TBC1D23: variants seen among roughly 807,000 people sequenced by gnomAD.
TBC1D23 encodes HCV non-structural protein 4A-transactivated protein 1.
A neutral mutation model predicts 91.4 loss-of-function variants in TBC1D23; 55 were observed. The observed-to-expected ratio is 0.60, with a 90% CI of 0.48 to 0.75. The LOEUF (loss-of-function observed/expected upper bound fraction) is 0.75, where lower values mean the gene tolerates loss of function less well. Ranked by LOEUF, TBC1D23 falls within the 30% of genes least tolerant of loss-of-function variation. The pLI is 0.00. For missense variants in TBC1D23, 725 were observed against 836.1 expected, an observed-to-expected ratio of 0.87 and a Z score of 1.64; for synonymous variants, 289 against 281.0, an observed-to-expected ratio of 1.03 and a Z score of -0.28.
At chr3:100,286,122 A>G (rs2067739990) in intron 4 of TBC1D23, among the ~76,000 whole-genome samples, 1 of 152,214 alleles carries the variant, frequency 6.6e-6, no homozygotes, top group Non-Finnish European at 1.5e-5. Context: ...AACAGACTTA[A>G]AGATACCAGA....
intron 1 of TBC1D23, among the ~76,000 whole-genome samples, chr3:100,269,845 C>T (rs1211441348): frequency 6.6e-6 from 1 of 152,144 alleles, no homozygotes; most frequent in Admixed American, 6.6e-5. Context: ...GCCATGAAAC[C>T]ACAATTCAAT....
At chr3:100,321,099 A>G in intron 18 of TBC1D23, 128 bp downstream of exon 18, 1 of 678,132 alleles carries the variant, frequency 1.5e-6, no homozygotes. Flanking sequence ...AACCACTTTT[A>G]GTGTTTCTTA....
intron 4 of TBC1D23, among the ~76,000 whole-genome samples, chr3:100,289,506 C>A (rs2067771893): frequency 6.6e-6 from 1 of 152,108 alleles, no homozygotes; most frequent in African/African-American, 2.4e-5. Flanking sequence ...AACTATACTT[C>A]CTGAGGAGTG....
chr3:100,300,103 A>T (rs1705396947), intron 10 of TBC1D23, among the ~76,000 whole-genome samples: 1 of 152,224 alleles, frequency 6.6e-6, no homozygotes, highest in Non-Finnish European at 1.5e-5. Flanking sequence ...CTTAGTTATT[A>T]AAACTACTAT....
chr3:100,322,389 G>A (rs946240991), intron 18 of TBC1D23, among the ~76,000 whole-genome samples: 4 of 152,202 alleles, frequency 2.6e-5, no homozygotes, highest in South Asian at 2.1e-4. Context: ...CACCGTGCCC[G>A]GCCCAATAAA....
At chr3:100,294,992 T>A in intron 5 of TBC1D23, 95 bp from the exon 6 acceptor site, 1 of 1,226,972 alleles carries the variant, frequency 8.2e-7, no homozygotes, top group Admixed American at 2.6e-5. Context: ...TGCAGATAAT[T>A]TGATATAATG....
intron 4 of TBC1D23, among the ~76,000 whole-genome samples, chr3:100,289,277 C>T (rs1397906517): frequency 6.6e-6 from 1 of 151,994 alleles, no homozygotes; most frequent in Non-Finnish European, 1.5e-5. Flanking sequence ...CAGTAAGATC[C>T]ACTACCAAAT....
At chr3:100,266,187 C>T (rs2067556077) in intron 1 of TBC1D23, among the ~76,000 whole-genome samples, 1 of 151,670 alleles carries the variant, frequency 6.6e-6, no homozygotes, top group African/African-American at 2.4e-5. Flanking sequence ...AGAGGGCAGG[C>T]AAAGATAAGA....
chr3:100,322,267 T>G lies in TBC1D23; in HGVS notation c.2018+1296T>G, dbSNP rs182129791. The stretch of plus-strand genomic sequence containing the variant: ...CCGCCACCATGCCCAGCTAATTTTT[T>G]TATTTTTAGTAGAGATGGGGTTTCA... On this transcript the variant is annotated intron_variant, in intron 18 of 18. Transcript: ENST00000394144. Among the ~76,000 whole-genome samples the G allele has an allele frequency of 4.7e-3, 711 of 152,068 alleles. 2 individuals carry two copies. Among genetic ancestry groups the G allele is most frequent in the Non-Finnish European group, 6.4e-3 (433 of 67,970 alleles).
chr3:100,266,846 A>G (rs2067561884), intron 1 of TBC1D23, among the ~76,000 whole-genome samples: 1 of 152,220 alleles, frequency 6.6e-6, no homozygotes, highest in African/African-American at 2.4e-5. Flanking sequence ...TATGCTTGAC[A>G]AAGCATTTCT....
intron 1 of TBC1D23, among the ~76,000 whole-genome samples, chr3:100,272,336 A>G (rs1203496451): frequency 2.0e-5 from 3 of 152,248 alleles, no homozygotes; most frequent in African/African-American, 7.2e-5. Context: ...ACGCTAGAGA[A>G]GTAATATGTT....
chr3:100,285,565 A>G (rs893953988), intron 4 of TBC1D23, among the ~76,000 whole-genome samples: 5 of 152,132 alleles, frequency 3.3e-5, no homozygotes, highest in African/African-American at 9.7e-5. Flanking sequence ...TTTTGTGTAG[A>G]TGTGTATTTT....
intron 1 of TBC1D23, among the ~76,000 whole-genome samples, chr3:100,266,836 T>TA (rs1459641350): frequency 2.6e-5 from 4 of 152,152 alleles, no homozygotes; most frequent in African/African-American, 9.7e-5. Flanking sequence ...ATTGAGAAAA[T>TA]ATGCTTGACA....
At position 100,320,907 on chromosome 3, in the gene TBC1D23, G is replaced by T; in HGVS notation, c.1954G>T (p.Glu652Ter). Residue 652 changes from glutamate (E) to a stop codon, truncating the protein, a stop_gained, in exon 18 of 19, where the codon GAA becomes TAA. Coordinates refer to ENST00000394144, the MANE Select transcript of TBC1D23 (RefSeq NM_001199198.3). LOFTEE classifies it high-confidence loss of function. The stretch of plus-strand genomic sequence containing the variant: ...AATTACATCCAAAAAAAAACATCCT[G>T]AACTCATTACCTTCAAGTATGGAAA... ...VKITSKKKHP[E>*]LITFKYGNSS... 1 of 1,612,362 alleles carries T rather than the reference G, an allele frequency of 6.2e-7. No homozygotes were observed. The highest frequency in any genetic ancestry group is 1.1e-5 in the South Asian group (1 of 90,610).
intron 5 of TBC1D23, among the ~76,000 whole-genome samples, chr3:100,292,517 A>G (rs931331976): frequency 6.6e-6 from 1 of 152,188 alleles, no homozygotes; most frequent in African/African-American, 2.4e-5. Context: ...GGAGAATTCT[A>G]ACTGGTTTCA....
chr3:100,285,157 C>T (rs561021043), intron 4 of TBC1D23, among the ~76,000 whole-genome samples: 2 of 152,202 alleles, frequency 1.3e-5, no homozygotes, highest in African/African-American at 2.4e-5. Context: ...TAAAATTCAC[C>T]ATTTTAATGT....
chr3:100,270,015 A>G (rs1396904478), intron 1 of TBC1D23, among the ~76,000 whole-genome samples: 1 of 152,252 alleles, frequency 6.6e-6, no homozygotes, highest in East Asian at 1.9e-4. Context: ...ATCTGAGCTT[A>G]CAGTGATTTA....
At chr3:100,287,331 C>T (rs1407484846) in intron 4 of TBC1D23, among the ~76,000 whole-genome samples, 2 of 152,188 alleles carry the variant, frequency 1.3e-5, no homozygotes, top group African/African-American at 4.8e-5. Flanking sequence ...TGTCTTATTA[C>T]AGTTTCACAT....
At chr3:100,315,138 GAAAAAGAGGCA>G (rs1705710648) in intron 15 of TBC1D23, among the ~76,000 whole-genome samples, 1 of 137,272 alleles carries the variant, frequency 7.3e-6, no homozygotes, top group Admixed American at 7.2e-5. Flanking sequence ...TCTGCCTTTT[GAAAAAGAGGCA>G]GATTCTTTTT....
Sources: allele counts gnomAD v4.1 joint callset (sites outside exome capture counted in the v4.1 genomes callset), GRCh38; gene constraint gnomAD v4.1.1; transcripts MANE v1.5; gene names NCBI Gene and HGNC (gene_info 2026-07-23, HGNC 2026-07-21).